The following BTNL2 variants were observed in gnomAD, a reference collection of about 807,000 sequenced individuals.
BTNL2 encodes butyrophilin like 2, also known as butyrophilin-like protein 2.
A neutral mutation model predicts 46.8 loss-of-function variants in BTNL2; 46 were observed. The ratio of observed to expected loss-of-function variants is 0.98; its 90% CI spans 0.78 to 1.26. BTNL2 has a LOEUF of 1.26. Ranked by LOEUF, BTNL2 falls within the 50% of genes most tolerant of loss-of-function variation. The probability of loss-of-function intolerance (pLI) is 0.00; values close to 1 mark genes in which losing one functional copy is unlikely to be tolerated. For missense variants in BTNL2, 461 were observed against 592.6 expected (o/e 0.78, Z 2.31); for synonymous variants, 226 against 229.1 (o/e 0.99, Z 0.12).
At chr6:32,404,397 G>A (rs1284421465) in intron 2 of BTNL2, among the ~76,000 whole-genome samples, 1 of 150,218 alleles carries the variant, frequency 6.7e-6, no homozygotes, top group African/African-American at 2.5e-5. Context: ...CAGAGGGTGT[G>A]TCCAAAAGCA....
At position 32,393,945 on chromosome 6, in the gene BTNL2, T is replaced by C; in HGVS notation, c.*6+18A>G. ...TCCCACTGCAGTGTGCTCCGCTGTT[T>C]CTGTTTCCCTGACTTACCTCTTTTC... On this transcript the variant is annotated intron_variant, in intron 7 of 7. Transcript: ENST00000454136. This position sits in a 1 kb window ranked among gnomAD's most constrained non-coding sequence, Gnocchi z 4.8. 6.5e-7 allele frequency: 1 copy of C among 1,548,502 alleles called. No individual in the cohort carries two copies. Among genetic ancestry groups the C allele is most frequent in the South Asian group, 1.2e-5 (1 of 83,844 alleles).
chr6:32,396,210 C>A lies in BTNL2; in HGVS notation c.907G>T (p.Glu303Ter), dbSNP rs1776442825. The change falls in exon 5 of 8, where the codon GAG (glutamate) becomes TAG (stop). Residue 303 changes from glutamate to a stop codon, truncating the protein, a stop_gained. Transcript: ENST00000454136. LOFTEE classifies it high-confidence loss of function. The surrounding 1 kb of genome is among the most constrained non-coding windows in gnomAD (Gnocchi z 4.4). ...VYMDGDHVAG[E>*]QMAEYRGRTV... is the part of the protein sequence containing the mutation. ...CTCCCTCTGTACTCTGCCATCTGCT[C>A]TCCAGCCACATGGTCCCCATCCATA... 6.2e-7 allele frequency: 1 copy of A among 1,613,116 alleles called. No individual in the cohort carries two copies.
rs117345995 is a variant in BTNL2 at position 32,396,508 on chromosome 6, A to G, written c.731-122T>C. 19,754 of 967,636 alleles carry G rather than the reference A, an allele frequency of 0.02. 1,005 individuals are homozygous for G. Among genetic ancestry groups the G allele is most frequent in the East Asian group, 0.16 (6,303 of 38,238 alleles). The allele number at this position is 967,636 out of a possible 1,614,324, so 59.9% of individuals were successfully genotyped here. A position where few individuals can be genotyped will look rare whatever the true frequency, so the allele number is the denominator to read the frequency against. On this transcript the variant is annotated intron_variant, in intron 4 of 7. Transcript: ENST00000454136. The surrounding 1 kb of genome is among the most constrained non-coding windows in gnomAD (Gnocchi z 4.4). ...GCATCCCAGGGTTGCTGTGAGGCTC[A>G]GGGTCATCCTTAGGTGAGGTGGGGG...
intron 4 of BTNL2, among the ~76,000 whole-genome samples, chr6:32,401,207 C>CAAAAAAAAAAAAAAAAAAAAAAAAAAAAA (rs9279632): frequency 2.6e-5 from 1 of 38,918 alleles, no homozygotes; most frequent in Non-Finnish European, 3.9e-5. Context: ...GACTCCGTCT[C>CAAAAAAAAAAAAAAAAAAAAAAAAAAAAA]AAAAAAAAAA....
intron 4 of BTNL2, among the ~76,000 whole-genome samples, chr6:32,400,836 C>A (rs1342596498): frequency 2.1e-5 from 3 of 145,810 alleles, no homozygotes; most frequent in Non-Finnish European, 4.5e-5. Flanking sequence ...TAGCTTGAAT[C>A]CAGGAGATGG....
At chr6:32,406,427 C>G (rs974843917) in intron 1 of BTNL2, 1 of 152,244 alleles carries the variant, frequency 6.6e-6, no homozygotes, top group African/African-American at 2.4e-5. Flanking sequence ...GCAGAGCCTG[C>G]GCCCTCTGAT....
At position 32,393,399 on chromosome 6, in the gene BTNL2, AAG is replaced by A. The variant is rs1776243831; in HGVS notation, c.*7-12_*7-11del. On this transcript the variant is annotated splice_polypyrimidine_tract_variant and intron_variant, in intron 7 of 7. Coordinates refer to ENST00000454136, the MANE Select transcript of BTNL2 (RefSeq NM_001304561.2). The surrounding 1 kb of genome is among the most constrained non-coding windows in gnomAD (Gnocchi z 4.8). ...GCCAATGTCACATTCACTGTAAAGAAAGAGAATCCATTCTGATAATTAATCAA... is the reference window on the plus strand; with the variant it reads ...GCCAATGTCACATTCACTGTAAAGAAAGAATCCATTCTGATAATTAATCAA... 6.5e-6 allele frequency: 1 copy of A among 152,738 alleles called. No individual in the cohort carries two copies. Among genetic ancestry groups the A allele is most frequent in the Non-Finnish European group, 1.5e-5 (1 of 68,110 alleles). 9.5% of individuals were successfully genotyped at this position (152,738 alleles called of 1,614,324 possible).
chr6:32,406,945 GGCCCCAGA>G (rs776694025), intron 1 of BTNL2, 92 bp downstream of exon 1: 16,954 of 1,092,986 alleles, frequency 0.016, 227 homozygotes, highest in African/African-American at 0.057. Context: ...CAGGTGGCTT[GGCCCCAGA>G]CTTACACTCT....
chr6:32,400,878 A>G (rs1034316958), intron 4 of BTNL2, among the ~76,000 whole-genome samples: 3 of 140,190 alleles, frequency 2.1e-5, no homozygotes, highest in Non-Finnish European at 4.6e-5. Flanking sequence ...GCGCCATTGC[A>G]CTCCAGCTTG....
At position 32,394,186 on chromosome 6, in the gene BTNL2, C is replaced by A; in HGVS notation, c.1361-129G>T. On this transcript the variant is annotated intron_variant, in intron 6 of 7. Coordinates refer to ENST00000454136, the MANE Select transcript of BTNL2 (RefSeq NM_001304561.2). This position sits in a 1 kb window ranked among gnomAD's most constrained non-coding sequence, Gnocchi z 4.6. ...TTTGGCCTCCCAGGAAGCAGTTGGC[C>A]TGCTCCTCCCTGCTCTGGAGATGCA... 1 of 1,259,408 alleles carries A rather than the reference C, an allele frequency of 7.9e-7. No individual in the cohort carries two copies. The highest frequency in any genetic ancestry group is 1.1e-6 in the Non-Finnish European group (1 of 926,990). The allele number at this position is 1,259,408 out of a possible 1,614,324, so 78.0% of individuals were successfully genotyped here.
intron 4 of BTNL2, among the ~76,000 whole-genome samples, chr6:32,397,604 T>C (rs977996058): frequency 6.6e-6 from 1 of 152,234 alleles, no homozygotes; most frequent in Non-Finnish European, 1.5e-5. Context: ...TTAAACTACT[T>C]CTTAATGCCT....
Position 32,396,706 on chromosome 6 carries a change from T to C in BTNL2, c.731-320A>G, listed in dbSNP as rs142861613. Reference sequence around the variant, plus strand: ...AATTAAAACTCCCAGATAGGCTGGGTGTGGTGGCTCAAGTCTATAATCCCA... The same window carrying C: ...AATTAAAACTCCCAGATAGGCTGGGCGTGGTGGCTCAAGTCTATAATCCCA... On this transcript the variant is annotated intron_variant, in intron 4 of 7. Transcript: ENST00000454136. The surrounding 1 kb of genome is among the most constrained non-coding windows in gnomAD (Gnocchi z 4.4). Among the ~76,000 whole-genome samples the C allele has an allele frequency of 0.012, 1,858 of 152,142 alleles. 68 individuals carry two copies. Among genetic ancestry groups the C allele is most frequent in the East Asian group, 0.11 (565 of 5,172 alleles).
Position 32,394,902 on chromosome 6 carries a change from G to A in BTNL2, c.1202C>T (p.Thr401Met), listed in dbSNP as rs149545886. The A allele has an allele frequency of 1.0e-3, 1,610 of 1,614,194 alleles. 13 individuals carry two copies. The African/African-American group carries it at 0.018, about 18-fold the overall frequency. The change falls in exon 6 of 8, where the codon ACG (threonine) becomes ATG (methionine). Residue 401 changes from threonine to methionine, a missense_variant. By Grantham distance (81) the Thr-to-Met change is moderately conservative. Coordinates refer to ENST00000454136, the MANE Select transcript of BTNL2 (RefSeq NM_001304561.2). This position sits in a 1 kb window ranked among gnomAD's most constrained non-coding sequence, Gnocchi z 4.6. ...CAGGGCCTGGGAAGATGATGGTATCGTCTTTCCTTCCATGTCCCTCCATGG... is the reference window on the plus strand; with the variant it reads ...CAGGGCCTGGGAAGATGATGGTATCATCTTTCCTTCCATGTCCCTCCATGG... The part of the protein sequence containing the change: ...HVPWRDMEGK[T>M]IPSSSQALTQ...
intron 3 of BTNL2, among the ~76,000 whole-genome samples, 193 bp downstream of exon 3, chr6:32,402,742 A>C (rs758735321): frequency 1.3e-5 from 2 of 152,244 alleles, no homozygotes; most frequent in African/African-American, 2.4e-5. Flanking sequence ...CTCAAAAATA[A>C]CGCAGGCGCC....
intron 1 of BTNL2, 102 bp from the exon 2 acceptor site, chr6:32,405,388 G>A (rs1435805563): frequency 2.0e-6 from 2 of 1,024,354 alleles, no homozygotes; most frequent in Non-Finnish European, 3.0e-6. Context: ...ACTAGAAGAG[G>A]GAGAGATATA....
In BTNL2 at chr6:32,396,123, T is replaced by C; in HGVS notation, c.994A>G (p.Arg332Gly). The part of the protein sequence containing the change: ...GRLTLQILSA[R>G]PSDDGQYRCL... The stretch of plus-strand genomic sequence containing the variant: ...CGGTACTGCCCGTCGTCCGAAGGTC[T>C]GGCACTGAGTATCTGCAGGGTCAGT... Residue 332 changes from arginine (R) to glycine (G), a missense_variant, in exon 5 of 8, where the codon AGA becomes GGA. Coordinates refer to ENST00000454136, the MANE Select transcript of BTNL2 (RefSeq NM_001304561.2). The surrounding 1 kb of genome is among the most constrained non-coding windows in gnomAD (Gnocchi z 4.4). The C allele has an allele frequency of 6.2e-7, 1 of 1,613,136 alleles. No homozygotes were observed. The highest frequency in any genetic ancestry group is 1.1e-5 in the South Asian group (1 of 91,086).
chr6:32,402,843 G>A (rs1366081616), intron 3 of BTNL2, 92 bp downstream of exon 3: 3 of 1,296,488 alleles, frequency 2.3e-6, no homozygotes, highest in Non-Finnish European at 3.2e-6. Flanking sequence ...GATAGATAAT[G>A]TCTCTTGATA....
At chr6:32,405,652 T>A (rs1777090535) in intron 1 of BTNL2, 1 of 306,196 alleles carries the variant, frequency 3.3e-6, no homozygotes, top group Admixed American at 4.7e-5. Flanking sequence ...AAATTATTTA[T>A]TCCTTGAGTC....
At chr6:32,397,534 C>G (rs1031370049) in intron 4 of BTNL2, among the ~76,000 whole-genome samples, 7 of 151,790 alleles carry the variant, frequency 4.6e-5, no homozygotes, top group African/African-American at 1.7e-4. Context: ...TTTAGTCTGT[C>G]TAAAGTTTTT....
Sources: gnomAD v4.1 joint callset for allele counts (sites outside exome capture counted in the v4.1 genomes callset) on GRCh38, gnomAD v4.1.1 for gene constraint, Gnocchi (gnomAD v3.1) non-coding constraint, MANE v1.5 for transcripts, NCBI Gene and HGNC (gene_info 2026-07-23, HGNC 2026-07-21) for gene names.